The following ROR1 variants were observed in gnomAD, a reference collection of about 807,000 sequenced individuals.
ROR1 encodes inactive tyrosine-protein kinase transmembrane receptor ROR1.
ROR1 carries 19 observed loss-of-function variants against 78.8 expected under a neutral mutation model. That is an observed-to-expected ratio of 0.24 (90% confidence interval 0.17 to 0.35). ROR1 has a LOEUF of 0.35. Ranked by LOEUF, ROR1 falls within the 10% of genes least tolerant of loss-of-function variation. The pLI, the probability that ROR1 is intolerant of heterozygous loss-of-function variation, is 1.00. For missense variants in ROR1, 917 were observed against 1,177.8 expected (o/e 0.78, Z 3.24); for synonymous variants, 386 against 433.6 (o/e 0.89, Z 1.36).
At chr1:63,922,497 G>A (rs1326664504) in intron 1 of ROR1, among the ~76,000 whole-genome samples, 3 of 152,132 alleles carry the variant, frequency 2.0e-5, no homozygotes, top group Non-Finnish European at 4.4e-5. Flanking sequence ...ATGAGTTTAT[G>A]TCGAAGCCCA....
Position 64,140,206 on chromosome 1 carries a change from T to G in ROR1, c.708T>G (p.Asp236Glu). ...GCCACTATGCCTTCCCGTACTGCGATGAAACTTCATCCGTCCCAAAGCCCC... is the reference window on the plus strand; with the variant it reads ...GCCACTATGCCTTCCCGTACTGCGAGGAAACTTCATCCGTCCCAAAGCCCC... Reference protein sequence around the residue: ...SLCHYAFPYCDETSSVPKPRD... With the variant: ...SLCHYAFPYCEETSSVPKPRD... The change falls in exon 6 of 9, where the codon GAT becomes GAG. Residue 236 changes from aspartate (D) to glutamate (E), a missense_variant. By Grantham distance (45) the Asp-to-Glu change is conservative. Transcript: ENST00000371079. 6 of 1,614,190 alleles carry G rather than the reference T, an allele frequency of 3.7e-6. No individual in the cohort carries two copies. Among genetic ancestry groups the G allele is most frequent in the Non-Finnish European group, 5.1e-6 (6 of 1,180,020 alleles).
At chr1:63,985,847 T>C (rs1324582910) in intron 1 of ROR1, among the ~76,000 whole-genome samples, 3 of 152,016 alleles carry the variant, frequency 2.0e-5, no homozygotes, top group African/African-American at 7.3e-5. Context: ...TATCTCATTG[T>C]TTGTATGCAA....
Position 64,018,341 on chromosome 1 carries a change from C to A in ROR1, c.163+8965C>A, listed in dbSNP as rs557723811. Among the ~76,000 whole-genome samples the A allele has an allele frequency of 2.6e-5, 4 of 152,274 alleles. No homozygotes were observed. In the East Asian group the frequency reaches 7.7e-4, roughly 29 times the overall value. On this transcript the variant is annotated intron_variant, in intron 2 of 8. Transcript: ENST00000371079. ...CTTGTTGTGCTCTAAAACACAACAT[C>A]CTATTTCAAGCATCTGTGCAAACCT...
At chr1:64,111,533 C>T (rs1384276300) in intron 4 of ROR1, among the ~76,000 whole-genome samples, 2 of 152,130 alleles carry the variant, frequency 1.3e-5, no homozygotes, top group Non-Finnish European at 2.9e-5. Context: ...AGCATGGGTC[C>T]CCAGCAAGCT....
At chr1:64,161,501 G>A (rs1176330824) in intron 8 of ROR1, among the ~76,000 whole-genome samples, 1 of 152,202 alleles carries the variant, frequency 6.6e-6, no homozygotes, top group Non-Finnish European at 1.5e-5. Flanking sequence ...GGCAGTCTCT[G>A]AATGATGTAG....
intron 1 of ROR1, among the ~76,000 whole-genome samples, chr1:63,922,847 A>G (rs1424301811): frequency 6.6e-6 from 1 of 152,156 alleles, no homozygotes; most frequent in East Asian, 1.9e-4. Context: ...AGTGGACTTT[A>G]GTCTTGGTTT....
chr1:63,798,985 A>AAGAGGTT (rs1644779390), intron 1 of ROR1, among the ~76,000 whole-genome samples: 1 of 152,162 alleles, frequency 6.6e-6, no homozygotes, highest in Non-Finnish European at 1.5e-5. Context: ...CCCTGCTAGT[A>AAGAGGTT]ACCTCTTTCT....
At chr1:63,829,086 G>A (rs532161229) in intron 1 of ROR1, among the ~76,000 whole-genome samples, 2 of 152,186 alleles carry the variant, frequency 1.3e-5, no homozygotes, top group Non-Finnish European at 2.9e-5. Flanking sequence ...TTTGGTTATT[G>A]CTGTATACCT....
At chr1:63,911,844 A>AG (rs1257045347) in intron 1 of ROR1, among the ~76,000 whole-genome samples, 1 of 152,160 alleles carries the variant, frequency 6.6e-6, no homozygotes, top group Non-Finnish European at 1.5e-5. Context: ...GGCATGGGGA[A>AG]GGAATTCCTT....
In ROR1 at chr1:64,180,594, T is replaced by G. The variant is rs1650522958; in HGVS notation, c.*1739T>G. 1 of 152,188 alleles carries G rather than the reference T, an allele frequency of 6.6e-6. No homozygotes were observed. The highest frequency in any genetic ancestry group is 1.5e-5 in the Non-Finnish European group (1 of 68,026). The allele number at this position is 152,188 out of a possible 1,614,324, so 9.4% of individuals were successfully genotyped here. On this transcript the variant is annotated 3_prime_UTR_variant, in exon 9 of 9. Transcript: ENST00000371079. ...TTTCTGGGAGATAAATTAAAACATA[T>G]TTTTGTGGCATAAATAAGCTGATTC...
intron 1 of ROR1, among the ~76,000 whole-genome samples, chr1:63,915,647 G>C (rs1379200301): frequency 6.6e-6 from 1 of 152,020 alleles, no homozygotes; most frequent in Non-Finnish European, 1.5e-5. Context: ...ATGGGAGATG[G>C]TTGCTAGCCT....
intron 1 of ROR1, among the ~76,000 whole-genome samples, chr1:63,804,119 C>T (rs1269415331): frequency 6.6e-6 from 1 of 151,726 alleles, no homozygotes; most frequent in Non-Finnish European, 1.5e-5. Flanking sequence ...GTTAGGGACT[C>T]AGGAGGGGGG....
intron 1 of ROR1, among the ~76,000 whole-genome samples, chr1:63,845,419 G>T (rs645712): frequency 6.6e-6 from 1 of 151,470 alleles, no homozygotes; most frequent in Non-Finnish European, 1.5e-5. Context: ...AGTAGTAGTG[G>T]TAACTACTAT....
intron 4 of ROR1, among the ~76,000 whole-genome samples, chr1:64,135,608 G>A (rs1197480157): frequency 1.3e-5 from 2 of 152,016 alleles, no homozygotes; most frequent in East Asian, 1.9e-4. Flanking sequence ...TAGGTTTATG[G>A]TATTAGTTAC....
rs1347465582 is a variant in ROR1 at position 64,072,683 on chromosome 1, G to C, written c.482+21967G>C. 2.6e-5 allele frequency among the ~76,000 whole-genome samples: 4 copies of C among 152,280 alleles called. No homozygotes were observed. In the South Asian group the frequency reaches 6.2e-4, roughly 24 times the overall value. ...AATAATAGTTCCCACAGGTCTGCCA[G>C]GGAATGGGAGAGCCGGGGTTATCTG... On this transcript the variant is annotated intron_variant, in intron 4 of 8. Coordinates refer to ENST00000371079, the MANE Select transcript of ROR1 (RefSeq NM_005012.4).
intron 8 of ROR1, among the ~76,000 whole-genome samples, chr1:64,176,916 A>T (rs1275404686): frequency 6.6e-6 from 1 of 152,230 alleles, no homozygotes; most frequent in East Asian, 1.9e-4. Context: ...AAACCTATTT[A>T]ACTAAAGTGA....
At chr1:63,782,750 T>C (rs1426361232) in intron 1 of ROR1, among the ~76,000 whole-genome samples, 5 of 152,104 alleles carry the variant, frequency 3.3e-5, no homozygotes, top group Admixed American at 2.6e-4. Flanking sequence ...CCCAAATAAT[T>C]TATGGCACAC....
intron 4 of ROR1, among the ~76,000 whole-genome samples, chr1:64,117,597 T>C (rs1331998966): frequency 6.6e-6 from 1 of 152,190 alleles, no homozygotes. Context: ...TAGGATTTTG[T>C]AGCTCACAAA....
intron 2 of ROR1, among the ~76,000 whole-genome samples, chr1:64,019,726 A>G (rs913716171): frequency 6.6e-5 from 10 of 152,182 alleles, no homozygotes; most frequent in Admixed American, 5.9e-4. Context: ...AAATTCTGAG[A>G]TACTGTGACA....
Sources: allele counts gnomAD v4.1 joint callset (sites outside exome capture counted in the v4.1 genomes callset), GRCh38; gene constraint gnomAD v4.1.1; transcripts MANE v1.5; gene names NCBI Gene and HGNC (gene_info 2026-07-23, HGNC 2026-07-21).